Variants in SLC9A9 observed in about 807,000 individuals in gnomAD.
SLC9A9 encodes the protein sodium/hydrogen exchanger 9.
SLC9A9 carries 62 observed loss-of-function variants against 77.8 expected under a neutral mutation model. The observed-to-expected ratio is 0.80, with a 90% CI of 0.65 to 0.98. The LOEUF (loss-of-function observed/expected upper bound fraction) is 0.98, where lower values mean the gene tolerates loss of function less well. Ranked by LOEUF, SLC9A9 falls within the 50% of genes least tolerant of loss-of-function variation. SLC9A9 has a pLI of 0.00. For missense variants in SLC9A9, 775 were observed against 774.9 expected (o/e 1.00, Z 0.00); for synonymous variants, 320 against 283.5 (o/e 1.13, Z -1.29).
intron 2 of SLC9A9, among the ~76,000 whole-genome samples, chr3:143,809,665 A>G (rs1184088308): frequency 6.6e-6 from 1 of 152,252 alleles, no homozygotes; most frequent in Non-Finnish European, 1.5e-5. Context: ...GGGTGAGAAG[A>G]GCAGAAAGCT....
chr3:143,485,373 T>G (rs1462939938), intron 11 of SLC9A9, among the ~76,000 whole-genome samples: 3 of 152,120 alleles, frequency 2.0e-5, no homozygotes, highest in Admixed American at 6.5e-5. Flanking sequence ...TCGATTTTCT[T>G]TTTCTCCACC....
intron 4 of SLC9A9, among the ~76,000 whole-genome samples, chr3:143,710,252 T>A (rs1442281587): frequency 1.3e-5 from 2 of 152,146 alleles, no homozygotes; most frequent in Non-Finnish European, 2.9e-5. Flanking sequence ...TTCAAAAGTA[T>A]CTCAAAGTAT....
At chr3:143,423,870 T>C (rs2034356509) in intron 12 of SLC9A9, among the ~76,000 whole-genome samples, 1 of 152,210 alleles carries the variant, frequency 6.6e-6, no homozygotes, top group Non-Finnish European at 1.5e-5. Context: ...ACAAGAAGAA[T>C]GCAGCACTGC....
intron 14 of SLC9A9, among the ~76,000 whole-genome samples, chr3:143,336,696 C>G (rs1053543527): frequency 6.6e-6 from 1 of 151,866 alleles, no homozygotes; most frequent in Admixed American, 6.6e-5. Flanking sequence ...TTAAAGTAGT[C>G]GAATTAACTG....
At chr3:143,455,659 A>G (rs1559924368) in intron 12 of SLC9A9, among the ~76,000 whole-genome samples, 2 of 152,060 alleles carry the variant, frequency 1.3e-5, no homozygotes, top group African/African-American at 2.4e-5. Context: ...AAGTATTTAC[A>G]TTTTTTTGAA....
intron 12 of SLC9A9, among the ~76,000 whole-genome samples, chr3:143,455,348 T>G (rs559169794): frequency 3.9e-5 from 6 of 152,344 alleles, no homozygotes; most frequent in Non-Finnish European, 8.8e-5. Flanking sequence ...AATCAAGCAA[T>G]CTGAGTTTTC....
chr3:143,731,586 A>G (rs1048416988), intron 4 of SLC9A9, among the ~76,000 whole-genome samples: 1 of 152,202 alleles, frequency 6.6e-6, no homozygotes, highest in African/African-American at 2.4e-5. Context: ...ATCCCTTTCT[A>G]ATATCATGTA....
At chr3:143,585,364 T>C (rs1445442282) in intron 6 of SLC9A9, among the ~76,000 whole-genome samples, 1 of 152,160 alleles carries the variant, frequency 6.6e-6, no homozygotes, top group Non-Finnish European at 1.5e-5. Context: ...CAGACTAAAT[T>C]GTATATTCAG....
At chr3:143,531,311 C>T (rs1553764006) in intron 9 of SLC9A9, among the ~76,000 whole-genome samples, 1 of 152,156 alleles carries the variant, frequency 6.6e-6, no homozygotes, top group Non-Finnish European at 1.5e-5. Context: ...TTATCCTGAT[C>T]TTCATTTATA....
chr3:143,383,008 A>G (rs931470094), intron 12 of SLC9A9, among the ~76,000 whole-genome samples: 30 of 152,234 alleles, frequency 2.0e-4, no homozygotes, highest in African/African-American at 7.0e-4. Flanking sequence ...CTGCAAATGC[A>G]AGATTTCTGA....
intron 6 of SLC9A9, among the ~76,000 whole-genome samples, chr3:143,635,667 T>C (rs2038508907): frequency 6.6e-6 from 1 of 152,156 alleles, no homozygotes; most frequent in Non-Finnish European, 1.5e-5. Context: ...TTGGCTGCTG[T>C]TTTGAGGGGT....
intron 8 of SLC9A9, among the ~76,000 whole-genome samples, chr3:143,557,297 C>T (rs1267418846): frequency 2.6e-5 from 4 of 152,192 alleles, no homozygotes; most frequent in Non-Finnish European, 5.9e-5. Context: ...TCAATTAAAC[C>T]TCTTCTTTAT....
At chr3:143,366,536 A>G (rs951031787) in intron 13 of SLC9A9, among the ~76,000 whole-genome samples, 10 of 152,222 alleles carry the variant, frequency 6.6e-5, no homozygotes, top group Non-Finnish European at 1.2e-4. Flanking sequence ...CCTTGTCTGT[A>G]AAATGAATTG....
At chr3:143,414,713 C>T (rs2034160527) in intron 12 of SLC9A9, among the ~76,000 whole-genome samples, 1 of 152,168 alleles carries the variant, frequency 6.6e-6, no homozygotes, top group Non-Finnish European at 1.5e-5. Flanking sequence ...CTCAGGCCAG[C>T]CTATTCCCTG....
rs139252824 is a variant in SLC9A9 at position 143,668,608 on chromosome 3, A to G, written c.650-16248T>C. Among the ~76,000 whole-genome samples the G allele has an allele frequency of 3.9e-3, 591 of 152,272 alleles. 3 individuals carry two copies. Among genetic ancestry groups the G allele is most frequent in the African/African-American group, 0.014 (578 of 41,566 alleles). The stretch of plus-strand genomic sequence containing the variant: ...GGCTAAAAAGTTGATTATCACTGGT[A>G]TTAGTTTGTTCATCTGCGCATTTGT... On this transcript the variant is annotated intron_variant, in intron 5 of 15. Coordinates refer to ENST00000316549, the MANE Select transcript of SLC9A9 (RefSeq NM_173653.4).
At chr3:143,568,319 G>A (rs138905352) in intron 8 of SLC9A9, among the ~76,000 whole-genome samples, 17 of 152,228 alleles carry the variant, frequency 1.1e-4, no homozygotes, top group African/African-American at 2.4e-4. Flanking sequence ...GGGACACGTT[G>A]ATTAGAAGAT....
intron 9 of SLC9A9, among the ~76,000 whole-genome samples, chr3:143,526,807 C>A (rs1487851623): frequency 6.6e-6 from 1 of 152,068 alleles, no homozygotes; most frequent in African/African-American, 2.4e-5. Flanking sequence ...GAGTTTGCAG[C>A]CATTGTGAGG....
chr3:143,515,838 T>C (rs927612152), intron 9 of SLC9A9, among the ~76,000 whole-genome samples: 4 of 152,210 alleles, frequency 2.6e-5, no homozygotes, highest in African/African-American at 4.8e-5. Flanking sequence ...TATTTTTCAT[T>C]TGTGTTACTG....
chr3:143,599,858 T>G (rs1049724336), intron 6 of SLC9A9, among the ~76,000 whole-genome samples: 6 of 152,184 alleles, frequency 3.9e-5, no homozygotes, highest in African/African-American at 1.4e-4. Context: ...AATGCCTCTT[T>G]CCATTTAAGA....
Sources: gnomAD v4.1 joint callset for allele counts (sites outside exome capture counted in the v4.1 genomes callset) on GRCh38, gnomAD v4.1.1 for gene constraint, MANE v1.5 for transcripts, NCBI Gene and HGNC (gene_info 2026-07-23, HGNC 2026-07-21) for gene names.